GBF1: variants seen among roughly 807,000 people sequenced by gnomAD.
The protein encoded by GBF1 is golgi brefeldin A resistant guanine nucleotide exchange factor 1.
In GBF1, 114 loss-of-function variants were observed where a neutral mutation model predicts 210.5. That is an observed-to-expected ratio of 0.54 (90% CI 0.47 to 0.63). The LOEUF (loss-of-function observed/expected upper bound fraction) is 0.63, where lower values mean the gene tolerates loss of function less well. Ranked by LOEUF, GBF1 falls within the 30% of genes least tolerant of loss-of-function variation. GBF1 has a pLI of 0.00. For synonymous variants in GBF1, 850 were observed against 889.2 expected (o/e 0.96, Z 0.78); for missense variants, 1,851 against 2,357.7 (o/e 0.79, Z 4.45).
At chr10:102,379,778 C>G in intron 35 of GBF1, 75 bp from the exon 36 acceptor site, 1 of 1,468,506 alleles carries the variant, frequency 6.8e-7, no homozygotes, top group South Asian at 1.1e-5. Flanking sequence ...TATGCCCATC[C>G]AGTTCCTGGC....
At position 102,382,344 on chromosome 10, in the gene GBF1, C is replaced by G; in HGVS notation, c.*8C>G. 6.3e-7 allele frequency: 1 copy of G among 1,598,656 alleles called. No homozygotes were observed. ...ACCTCTGAGGTCAACTAAGGCAGGT[C>G]ACTCAGAGATCAGGACCAGTGCTTC... On this transcript the variant is annotated 3_prime_UTR_variant, in exon 40 of 40. Coordinates refer to ENST00000369983, the MANE Select transcript of GBF1 (RefSeq NM_001377137.1).
At chr10:102,315,231 GGGGGTCCCC>G (rs1294942448) in intron 3 of GBF1, among the ~76,000 whole-genome samples, 33 of 152,168 alleles carry the variant, frequency 2.2e-4, no homozygotes, top group Non-Finnish European at 2.5e-4. Context: ...CTCTACTTCA[GGGGGTCCCC>G]AACCCCCTGG....
At chr10:102,294,690 T>A (rs1051938769) in intron 3 of GBF1, among the ~76,000 whole-genome samples, 6 of 152,128 alleles carry the variant, frequency 3.9e-5, no homozygotes, top group African/African-American at 1.4e-4. Flanking sequence ...TTGTATCTTT[T>A]ATGCAGTATT....
rs771892685 is a variant in GBF1 at position 102,357,899 on chromosome 10, C to T, written c.640-140C>T. 4.5e-6 allele frequency: 3 copies of T among 666,960 alleles called. No individual in the cohort carries two copies. In the African/African-American group the frequency reaches 5.4e-5, roughly 12 times the overall value. 41.3% of individuals were successfully genotyped at this position (666,960 alleles called of 1,614,324 possible). On this transcript the variant is annotated intron_variant, in intron 8 of 39. Transcript: ENST00000369983. ...CAAGTTAGAAGAGTAGGAATGTGAA[C>T]TGATGGTCTAGAGTCTTACTTTAGC... is the stretch of plus-strand genomic sequence containing the variant.
At chr10:102,242,203 G>A (rs866693869), upstream of GBF1, among the ~76,000 whole-genome samples, 3 of 152,192 alleles carry the variant, frequency 2.0e-5, no homozygotes, top group African/African-American at 7.2e-5. Context: ...GAGACAGCAG[G>A]GTTTGGAATG....
At chr10:102,372,778 A>G (rs12572826) in intron 29 of GBF1, among the ~76,000 whole-genome samples, 22,721 of 152,172 alleles carry the variant, frequency 0.15, 2,051 homozygotes, top group East Asian at 0.35. Context: ...ATTAACTCCA[A>G]TGGATCATAG....
intron 3 of GBF1, among the ~76,000 whole-genome samples, chr10:102,292,292 A>G (rs2076508794): frequency 6.6e-6 from 1 of 152,108 alleles, no homozygotes; most frequent in Non-Finnish European, 1.5e-5. Flanking sequence ...AAACAAACAG[A>G]AAAGAAAAAA....
At chr10:102,334,213 G>A (rs2057554421) in intron 3 of GBF1, among the ~76,000 whole-genome samples, 1 of 152,224 alleles carries the variant, frequency 6.6e-6, no homozygotes, top group African/African-American at 2.4e-5. Flanking sequence ...GCCAAATGGT[G>A]TTGAAATAAC....
At chr10:102,306,779 A>G (rs2077922882) in intron 3 of GBF1, among the ~76,000 whole-genome samples, 1 of 152,196 alleles carries the variant, frequency 6.6e-6, no homozygotes, top group Non-Finnish European at 1.5e-5. Context: ...CATTATTATT[A>G]GCTTATATTA....
chr10:102,361,756 G>T lies in GBF1; in HGVS notation c.1530G>T (p.Glu510Asp), dbSNP rs761077116. 31 of 1,610,998 alleles carry T rather than the reference G, an allele frequency of 1.9e-5. No individual in the cohort carries two copies. The South Asian group carries it at 3.4e-4, about 18-fold the overall frequency. Residue 510 changes from glutamate (E) to aspartate (D), a missense_variant, in exon 14 of 40, where the codon GAG becomes GAT. By Grantham distance (45) the Glu-to-Asp change is conservative. Around this residue, in one of 3 missense-constraint regions of GBF1, gnomAD observed 804 missense variants for 958.6 expected, o/e 0.84. Coordinates refer to ENST00000369983, the MANE Select transcript of GBF1 (RefSeq NM_001377137.1). Reference protein sequence around the residue: ...IKKLMEIITVENPKMPYEMKE... With the variant: ...IKKLMEIITVDNPKMPYEMKE... ...AGCTTATGGAGATCATCACTGTGGA[G>T]AACCCCAAGATGCCTTATGAGATGA...
At chr10:102,320,466 C>A (rs1021401540) in intron 3 of GBF1, among the ~76,000 whole-genome samples, 2 of 152,040 alleles carry the variant, frequency 1.3e-5, no homozygotes, top group African/African-American at 2.4e-5. Context: ...TATATTAGTT[C>A]CTCAATAATT....
At chr10:102,335,032 G>T (rs910287982) in intron 3 of GBF1, among the ~76,000 whole-genome samples, 4 of 152,072 alleles carry the variant, frequency 2.6e-5, no homozygotes, top group Admixed American at 6.5e-5. Flanking sequence ...AGTACAGTAT[G>T]AGCAGACCAC....
At chr10:102,330,029 G>T (rs891742100) in intron 3 of GBF1, among the ~76,000 whole-genome samples, 1 of 152,156 alleles carries the variant, frequency 6.6e-6, no homozygotes, top group African/African-American at 2.4e-5. Context: ...AGCCACTCAG[G>T]AGTCTGAGGC....
intron 1 of GBF1, among the ~76,000 whole-genome samples, chr10:102,254,405 G>C (rs1381247350): frequency 6.6e-6 from 1 of 152,092 alleles, no homozygotes; most frequent in African/African-American, 2.4e-5. Context: ...TCATATATTA[G>C]CTTCTAAGAG....
At chr10:102,381,427 A>G (rs1327442265) in intron 39 of GBF1, among the ~76,000 whole-genome samples, 172 bp downstream of exon 39, 2 of 152,224 alleles carry the variant, frequency 1.3e-5, no homozygotes, top group Non-Finnish European at 2.9e-5. Context: ...ACCATAAGCT[A>G]TGAGGAACTA....
chr10:102,343,491 T>A (rs181881410), intron 3 of GBF1, among the ~76,000 whole-genome samples: 2 of 152,262 alleles, frequency 1.3e-5, no homozygotes, highest in African/African-American at 4.8e-5. Flanking sequence ...TAATGCAAAA[T>A]TTACCATTTT....
chr10:102,360,989 A>AC, intron 12 of GBF1, 33 bp from the exon 13 acceptor site: 1 of 1,167,702 alleles, frequency 8.6e-7, no homozygotes, highest in Non-Finnish European at 1.3e-6. Flanking sequence ...AAAAAAAAAA[A>AC]AAACTCATGG....
intron 3 of GBF1, among the ~76,000 whole-genome samples, chr10:102,272,780 AAGTG>A (rs1318280823): frequency 7.2e-5 from 11 of 152,242 alleles, no homozygotes; most frequent in Admixed American, 7.2e-4. Context: ...TCAGATTCAG[AAGTG>A]AGTGTTAATA....
At chr10:102,273,841 A>G (rs993459394) in intron 3 of GBF1, among the ~76,000 whole-genome samples, 5 of 152,224 alleles carry the variant, frequency 3.3e-5, no homozygotes, top group Admixed American at 2.0e-4. Context: ...TTCTTCCCCA[A>G]GGAAATAAGA....
Sources: gnomAD v4.1 joint callset for allele counts (sites outside exome capture counted in the v4.1 genomes callset) on GRCh38, gnomAD v4.1.1 for gene constraint, gnomAD v4.1.1 regional missense constraint, MANE v1.5 for transcripts, NCBI Gene and HGNC (gene_info 2026-07-23, HGNC 2026-07-21) for gene names.